The following CDH2 variants were observed in gnomAD, a reference collection of about 807,000 sequenced individuals.
CDH2 encodes cadherin-2.
In CDH2, 17 loss-of-function variants were observed where a neutral mutation model predicts 92.0. That is an observed-to-expected ratio of 0.18 (90% CI 0.13 to 0.28). The LOEUF is 0.28. Among genes scored for constraint, CDH2 ranks in the 10% least tolerant of loss-of-function variants. The pLI, the probability that CDH2 is intolerant of heterozygous loss-of-function variation, is 1.00. For missense variants in CDH2, 862 were observed against 1,133.1 expected, an observed-to-expected ratio of 0.76 and a Z score of 3.44; for synonymous variants, 419 against 415.9, an observed-to-expected ratio of 1.01 and a Z score of -0.09.
At chr18:28,163,264 C>T (rs988507172) in intron 1 of CDH2, among the ~76,000 whole-genome samples, 7 of 152,208 alleles carry the variant, frequency 4.6e-5, no homozygotes, top group African/African-American at 1.7e-4. Context: ...AAACTATGCA[C>T]ATACTGCTGG....
chr18:27,957,465 C>A (rs563233787), intron 15 of CDH2, among the ~76,000 whole-genome samples: 1 of 151,664 alleles, frequency 6.6e-6, no homozygotes, highest in South Asian at 2.1e-4. Context: ...TTGCTGAAGT[C>A]GGTCTCAAAC....
intron 2 of CDH2, among the ~76,000 whole-genome samples, chr18:28,131,120 T>TA (rs1264171751): frequency 6.6e-6 from 1 of 152,108 alleles, no homozygotes; most frequent in Non-Finnish European, 1.5e-5. Context: ...TAAAATAACT[T>TA]ACACCAAAAA....
chr18:28,086,191 TTA>T (rs1287185844), intron 2 of CDH2, among the ~76,000 whole-genome samples: 6 of 152,160 alleles, frequency 3.9e-5, no homozygotes, highest in Non-Finnish European at 7.3e-5. Flanking sequence ...GAAAATGTGT[TTA>T]TACTGTTCTA....
chr18:28,100,356 A>G (rs1180433829), intron 2 of CDH2, among the ~76,000 whole-genome samples: 2 of 152,196 alleles, frequency 1.3e-5, no homozygotes, highest in Admixed American at 6.5e-5. Context: ...GAACTCGAAC[A>G]TCAGCTTTTT....
intron 2 of CDH2, among the ~76,000 whole-genome samples, chr18:28,080,145 C>A (rs548087233): frequency 2.5e-4 from 38 of 152,012 alleles, no homozygotes; most frequent in Admixed American, 4.6e-4. Context: ...AAGACAAGAC[C>A]CTGAGGGCAA....
chr18:28,156,573 C>T (rs918256978), intron 1 of CDH2, among the ~76,000 whole-genome samples: 5 of 137,118 alleles, frequency 3.6e-5, no homozygotes, highest in African/African-American at 9.2e-5. Context: ...TTCCCAGGTA[C>T]AGAATGTCAC....
chr18:27,956,681 T>A (rs1016102493), intron 15 of CDH2, among the ~76,000 whole-genome samples: 1 of 152,126 alleles, frequency 6.6e-6, no homozygotes, highest in Non-Finnish European at 1.5e-5. Context: ...TTGATATCAC[T>A]CCCGCAAGTA....
At chr18:28,083,750 T>C (rs186145972) in intron 2 of CDH2, among the ~76,000 whole-genome samples, 5 of 152,304 alleles carry the variant, frequency 3.3e-5, no homozygotes, top group Non-Finnish European at 5.9e-5. Context: ...ATACACCCTA[T>C]AGTTGACTGA....
intron 7 of CDH2, among the ~76,000 whole-genome samples, chr18:27,996,049 T>C (rs1271044012): frequency 5.3e-5 from 8 of 152,154 alleles, no homozygotes; most frequent in Admixed American, 3.9e-4. Flanking sequence ...AAGGGGATTC[T>C]GCTTGAAAAC....
In CDH2 at chr18:28,009,803, G is replaced by A; in HGVS notation, c.616C>T (p.Pro206Ser). The change falls in exon 5 of 16, where the codon CCA (proline) becomes TCA (serine). Residue 206 changes from proline to serine, a missense_variant. Pro to Ser is a moderately conservative substitution (Grantham distance 74). This residue lies in a region of CDH2 where 564 missense variants were observed against 722.2 expected (regional missense o/e 0.78). Coordinates refer to ENST00000269141, the MANE Select transcript of CDH2 (RefSeq NM_001792.5). The stretch of plus-strand genomic sequence containing the variant: ...GGGTTGATAATGAAGATACCAGTTG[G>A]AGGCTGGTCAGCTCCTGGCCCAGTT... Reference protein sequence around the residue: ...SVTGPGADQPPTGIFIINPIS... With the variant: ...SVTGPGADQPSTGIFIINPIS... 6.2e-7 allele frequency: 1 copy of A among 1,613,874 alleles called. No homozygotes were observed. The highest frequency in any genetic ancestry group is 8.5e-7 in the Non-Finnish European group (1 of 1,179,872).
intron 7 of CDH2, among the ~76,000 whole-genome samples, chr18:27,994,018 A>G (rs1239968245): frequency 6.6e-6 from 1 of 152,212 alleles, no homozygotes; most frequent in African/African-American, 2.4e-5. Flanking sequence ...CCAGTTTAGG[A>G]TACTAAAAAC....
At chr18:28,027,589 T>A (rs530904458) in intron 2 of CDH2, among the ~76,000 whole-genome samples, 2 of 152,208 alleles carry the variant, frequency 1.3e-5, no homozygotes, top group East Asian at 3.9e-4. Flanking sequence ...ATCAAAAATA[T>A]AAAATTTAGC....
rs1567961285 is a variant in CDH2 at position 28,007,168 on chromosome 18, ATATATATAT to A, written c.703-1184_703-1176del. Among the ~76,000 whole-genome samples the A allele has an allele frequency of 6.4e-3, 832 of 130,086 alleles. 23 individuals are homozygous for A. Among genetic ancestry groups the A allele is most frequent in the African/African-American group, 0.024 (745 of 31,582 alleles). The allele number at this position is 130,086 out of a possible 152,430, so 85.3% of individuals were successfully genotyped here. The stretch of plus-strand genomic sequence containing the variant: ...GAGTGAGACTCCATAAAAAAAAAAT[ATATATATAT>A]ATATATATATATATATACGAGTATA... On this transcript the variant is annotated intron_variant, in intron 5 of 15. Transcript: ENST00000269141.
At chr18:28,117,565 A>G (rs1360379022) in intron 2 of CDH2, among the ~76,000 whole-genome samples, 3 of 152,184 alleles carry the variant, frequency 2.0e-5, no homozygotes, top group Non-Finnish European at 4.4e-5. Flanking sequence ...AAAGAGTTTA[A>G]ACTATCAAGA....
intron 2 of CDH2, among the ~76,000 whole-genome samples, chr18:28,031,368 C>G (rs566659873): frequency 6.6e-6 from 1 of 152,116 alleles, no homozygotes; most frequent in Admixed American, 6.6e-5. Context: ...AACATCTTAC[C>G]ATCAGTCATT....
chr18:28,099,805 T>G (rs1473042675), intron 2 of CDH2, among the ~76,000 whole-genome samples: 1 of 152,094 alleles, frequency 6.6e-6, no homozygotes, highest in Non-Finnish European at 1.5e-5. Context: ...GATAGAAAAA[T>G]ATTTGATCTC....
chr18:27,950,271 A>G (rs1909383664), downstream of CDH2, among the ~76,000 whole-genome samples: 1 of 152,174 alleles, frequency 6.6e-6, no homozygotes, highest in Non-Finnish European at 1.5e-5. Context: ...CAATGTGTAC[A>G]GTATAAGACT....
At chr18:27,947,180 G>A (rs1046957430), downstream of CDH2, among the ~76,000 whole-genome samples, 1 of 151,368 alleles carries the variant, frequency 6.6e-6, no homozygotes, top group Admixed American at 6.6e-5. Flanking sequence ...GCTATTAAAA[G>A]TAATACAACA....
At chr18:27,968,591 G>A (rs1049217328) in intron 14 of CDH2, among the ~76,000 whole-genome samples, 1 of 152,186 alleles carries the variant, frequency 6.6e-6, no homozygotes. Flanking sequence ...GAGGAGAGGG[G>A]TGGACACTTA....
Sources: gnomAD v4.1 joint callset for allele counts (sites outside exome capture counted in the v4.1 genomes callset) on GRCh38, gnomAD v4.1.1 for gene constraint, gnomAD v4.1.1 regional missense constraint, MANE v1.5 for transcripts, NCBI Gene and HGNC (gene_info 2026-07-23, HGNC 2026-07-21) for gene names.